The following DLGAP2 variants were observed in gnomAD, a reference collection of about 807,000 sequenced individuals.
DLGAP2 encodes the protein disks large-associated protein 2.
Under a neutral mutation model 100.3 loss-of-function variants are expected in DLGAP2, and 26 were observed. The observed-to-expected ratio is 0.26, with a 90% CI of 0.19 to 0.36. DLGAP2 has a LOEUF of 0.36. Among genes scored for constraint, DLGAP2 ranks in the 10% least tolerant of loss-of-function variants. The pLI is 1.00. For missense variants in DLGAP2, 1,858 were observed against 1,453.2 expected, an observed-to-expected ratio of 1.28 and a Z score of -4.53; for synonymous variants, 886 against 630.1, an observed-to-expected ratio of 1.41 and a Z score of -6.08.
intron 2 of DLGAP2, among the ~76,000 whole-genome samples, chr8:1,178,107 T>C (rs1797301618): frequency 1.3e-5 from 2 of 152,150 alleles, no homozygotes; most frequent in South Asian, 2.1e-4. Context: ...TCAGAGTCAT[T>C]ACCCCAGAAT....
At chr8:1,192,850 G>A (rs1797669900) in intron 2 of DLGAP2, among the ~76,000 whole-genome samples, 2 of 151,682 alleles carry the variant, frequency 1.3e-5, no homozygotes, top group Non-Finnish European at 1.5e-5. Context: ...AGGCCCTGGT[G>A]TGTGATGCTC....
chr8:1,659,527 T>G (rs571085758), intron 8 of DLGAP2, among the ~76,000 whole-genome samples: 5 of 152,352 alleles, frequency 3.3e-5, no homozygotes, highest in African/African-American at 9.6e-5. Flanking sequence ...TGGGTGCTCC[T>G]GTATTGGGTG....
chr8:1,434,957 G>A (rs1797572498), intron 3 of DLGAP2, among the ~76,000 whole-genome samples: 4 of 152,102 alleles, frequency 2.6e-5, no homozygotes, highest in African/African-American at 9.7e-5. Context: ...CTCTGGCCCT[G>A]GACTCTTGAT....
At chr8:837,255 C>A (rs995030440) in intron 1 of DLGAP2, among the ~76,000 whole-genome samples, 10 of 152,224 alleles carry the variant, frequency 6.6e-5, no homozygotes, top group Admixed American at 1.3e-4. Context: ...TTCGAGGCAG[C>A]CTGGCCAGTC....
intron 2 of DLGAP2, among the ~76,000 whole-genome samples, chr8:1,184,359 G>A (rs925252132): frequency 3.9e-5 from 6 of 152,220 alleles, no homozygotes; most frequent in Admixed American, 6.5e-5. Context: ...GAGTGTGGGC[G>A]CTTCTGGGGA....
At chr8:1,599,699 C>T (rs745546428) in intron 6 of DLGAP2, among the ~76,000 whole-genome samples, 35 of 152,098 alleles carry the variant, frequency 2.3e-4, no homozygotes, top group Non-Finnish European at 2.4e-4. Context: ...ATTGCAACTC[C>T]TGCTTTTTTT....
At chr8:1,329,975 C>G (rs1801111672) in intron 3 of DLGAP2, among the ~76,000 whole-genome samples, 1 of 152,256 alleles carries the variant, frequency 6.6e-6, no homozygotes. Context: ...ACTTGCTTGT[C>G]TGACTGTGGC....
At chr8:1,205,542 G>C (rs754024697) in intron 2 of DLGAP2, among the ~76,000 whole-genome samples, 10 of 152,176 alleles carry the variant, frequency 6.6e-5, no homozygotes, top group Non-Finnish European at 1.5e-4. Context: ...GGCTGGTGGC[G>C]TCTGCTCTTA....
chr8:827,326 T>C (rs1585906074), intron 1 of DLGAP2, among the ~76,000 whole-genome samples: 1 of 152,344 alleles, frequency 6.6e-6, no homozygotes, highest in East Asian at 1.9e-4. Flanking sequence ...GGATTTTTCA[T>C]GGGTGTTCTT....
At chr8:1,260,867 C>G (rs540681468) in intron 3 of DLGAP2, among the ~76,000 whole-genome samples, 18 of 152,320 alleles carry the variant, frequency 1.2e-4, no homozygotes, top group African/African-American at 3.6e-4. Context: ...GCTCTCCAGC[C>G]TTAGGTCTGT....
chr8:883,667 G>A (rs942745157), intron 1 of DLGAP2, among the ~76,000 whole-genome samples: 5 of 149,094 alleles, frequency 3.4e-5, no homozygotes, highest in African/African-American at 1.2e-4. Context: ...TTACGTAGGT[G>A]CGCGTGTGCC....
At chr8:1,424,906 A>G (rs1797197771) in intron 3 of DLGAP2, among the ~76,000 whole-genome samples, 1 of 152,236 alleles carries the variant, frequency 6.6e-6, no homozygotes, top group African/African-American at 2.4e-5. Context: ...TTAATGGGGC[A>G]GAGCTTCAGT....
rs73176504 is a variant in DLGAP2 at position 957,134 on chromosome 8, A to G, written c.73+49168A>G. On this transcript the variant is annotated intron_variant, in intron 2 of 14. Transcript: ENST00000637795. ...TAAAGAATCAGAGTCAGTTGGAAAC[A>G]TGGGGAATGAGGCCTTTAGCTGGCT... Among the ~76,000 whole-genome samples the G allele has an allele frequency of 8.9e-3, 1,357 of 152,352 alleles. 8 individuals carry two copies. The highest frequency in any genetic ancestry group is 0.015 in the Non-Finnish European group (1,001 of 68,032).
chr8:783,401 T>C (rs1041189048), intron 1 of DLGAP2, among the ~76,000 whole-genome samples: 4 of 152,222 alleles, frequency 2.6e-5, no homozygotes, highest in African/African-American at 9.6e-5. Flanking sequence ...AATCTCATGA[T>C]ATTACATACA....
intron 3 of DLGAP2, among the ~76,000 whole-genome samples, chr8:1,442,604 G>A (rs10089511): frequency 5.3e-4 from 76 of 144,708 alleles, no homozygotes; most frequent in Admixed American, 1.4e-3. Context: ...TGGGGGAGAC[G>A]GATCGGGGCA....
intron 7 of DLGAP2, among the ~76,000 whole-genome samples, chr8:1,630,804 T>C (rs961815880): frequency 3.3e-5 from 5 of 152,190 alleles, no homozygotes; most frequent in Admixed American, 6.5e-5. Flanking sequence ...GAGGTGCTTA[T>C]GTCCATGCCG....
chr8:1,231,377 A>G (rs193178782), intron 2 of DLGAP2, among the ~76,000 whole-genome samples: 23 of 152,348 alleles, frequency 1.5e-4, no homozygotes, highest in African/African-American at 4.1e-4. Context: ...GAATGCTTAT[A>G]TCCTGTTTGT....
At chr8:1,544,423 C>T (rs1284544161) in intron 4 of DLGAP2, among the ~76,000 whole-genome samples, 4 of 152,164 alleles carry the variant, frequency 2.6e-5, no homozygotes, top group South Asian at 2.1e-4. Flanking sequence ...GCTTTCAGCC[C>T]TTCAGCATTG....
intron 2 of DLGAP2, among the ~76,000 whole-genome samples, chr8:1,250,818 C>G (rs1199747777): frequency 6.6e-6 from 1 of 152,192 alleles, no homozygotes; most frequent in African/African-American, 2.4e-5. Context: ...TTGGAGCACA[C>G]TTATGTCGGC....
Sources: gnomAD v4.1 joint callset for allele counts (sites outside exome capture counted in the v4.1 genomes callset) on GRCh38, gnomAD v4.1.1 for gene constraint, MANE v1.5 for transcripts, NCBI Gene and HGNC (gene_info 2026-07-23, HGNC 2026-07-21) for gene names.